GRM5: variants seen among roughly 807,000 people sequenced by gnomAD.
GRM5 encodes the protein glutamate metabotropic receptor 5, also known as metabotropic glutamate receptor 5.
Under a neutral mutation model 83.1 loss-of-function variants are expected in GRM5, and 19 were observed. The ratio of observed to expected loss-of-function variants is 0.23; its 90% CI spans 0.16 to 0.34. The LOEUF is 0.34. GRM5 is among the 10% of genes least tolerant of loss of function. The pLI is 1.00. For synonymous variants in GRM5, 675 were observed against 633.6 expected, an observed-to-expected ratio of 1.07 and a Z score of -0.98; for missense variants, 1,160 against 1,588.3, an observed-to-expected ratio of 0.73 and a Z score of 4.58.
intron 4 of GRM5, among the ~76,000 whole-genome samples, chr11:88,627,617 C>G (rs2135266486): frequency 6.6e-6 from 1 of 152,256 alleles, no homozygotes; most frequent in Non-Finnish European, 1.5e-5. Flanking sequence ...ACCTCAATCT[C>G]ACCCCTTTCC....
At chr11:88,843,085 C>T (rs1002777707) in intron 3 of GRM5, among the ~76,000 whole-genome samples, 2 of 152,166 alleles carry the variant, frequency 1.3e-5, no homozygotes, top group Non-Finnish European at 2.9e-5. Context: ...TTTATTGTAA[C>T]TCCACAGATA....
At position 88,505,425 on chromosome 11, in the gene GRM5, G is replaced by A. The variant is rs1941159498; in HGVS notation, c.*3167C>T. The A allele has an allele frequency of 6.6e-6, 1 of 152,228 alleles. No individual in the cohort carries two copies. Among genetic ancestry groups the A allele is most frequent in the East Asian group, 1.9e-4 (1 of 5,208 alleles). 9.4% of individuals were successfully genotyped at this position (152,228 alleles called of 1,614,324 possible). On this transcript the variant is annotated 3_prime_UTR_variant, in exon 10 of 10. Transcript: ENST00000305447. Reference sequence around the variant, plus strand: ...TACAATTCATTTACAGTCAGAAATAGCTCCTAGTCTTCCTGATCACTTGCT... The same window carrying A: ...TACAATTCATTTACAGTCAGAAATAACTCCTAGTCTTCCTGATCACTTGCT...
intron 4 of GRM5, among the ~76,000 whole-genome samples, chr11:88,616,545 T>C (rs1043926545): frequency 6.6e-6 from 1 of 151,980 alleles, no homozygotes; most frequent in African/African-American, 2.4e-5. Context: ...TATGGTAGCT[T>C]AGTCCGGGGT....
chr11:88,906,468 A>AG (rs1308474537), intron 2 of GRM5, among the ~76,000 whole-genome samples: 2 of 152,128 alleles, frequency 1.3e-5, no homozygotes, highest in African/African-American at 4.8e-5. Flanking sequence ...TTCATCTGGG[A>AG]GAAAAAAAAA....
chr11:88,510,400 G>A (rs2135076328), intron 9 of GRM5, among the ~76,000 whole-genome samples: 2 of 152,290 alleles, frequency 1.3e-5, no homozygotes, highest in South Asian at 4.1e-4. Context: ...CTCAGCCTCA[G>A]CGCCCTAGTA....
In GRM5 at chr11:88,509,345, G is replaced by A; in HGVS notation, c.2886C>T (p.Gly962=). The A allele has an allele frequency of 3.1e-6, 5 of 1,605,716 alleles. No homozygotes were observed. The highest frequency in any genetic ancestry group is 2.0e-4 in the Middle Eastern group (1 of 5,092). ...FPKSTESRGL[G]AGAGAGGSAG... is the part of the protein sequence containing the mutation. ...CGCTCCCGCCTGCGCCAGCGCCAGC[G>A]CCCAGGCCACGGCTCTCCGTGCTCT... Residue 962 remains glycine (G), a synonymous_variant, in exon 10 of 10, where the codon GGC becomes GGT. Transcript: ENST00000305447.
At chr11:88,727,279 AG>A (rs199910086) in intron 3 of GRM5, among the ~76,000 whole-genome samples, 2,784 of 152,326 alleles carry the variant, frequency 0.018, 94 homozygotes, top group African/African-American at 0.063. Flanking sequence ...AAAGGTCAAA[AG>A]AGACAAAGAA....
intron 2 of GRM5, among the ~76,000 whole-genome samples, chr11:88,957,165 G>A (rs1189088480): frequency 6.6e-6 from 1 of 152,178 alleles, no homozygotes; most frequent in Non-Finnish European, 1.5e-5. Context: ...AGACTTGAAC[G>A]ATGAGTAGGA....
chr11:88,821,927 T>C (rs1943804421), intron 3 of GRM5, among the ~76,000 whole-genome samples: 1 of 151,038 alleles, frequency 6.6e-6, no homozygotes, highest in Non-Finnish European at 1.5e-5. Context: ...GAGTTCCCAA[T>C]TTCCTACTTA....
At chr11:88,816,328 T>A (rs1324673509) in intron 3 of GRM5, among the ~76,000 whole-genome samples, 6 of 147,968 alleles carry the variant, frequency 4.1e-5, no homozygotes, top group African/African-American at 1.2e-4. Context: ...ATCATGAGAT[T>A]AGGAATTTGA....
intron 2 of GRM5, among the ~76,000 whole-genome samples, chr11:88,990,681 A>T (rs1408007376): frequency 6.6e-6 from 1 of 151,030 alleles, no homozygotes; most frequent in East Asian, 1.9e-4. Flanking sequence ...AGTGGGCTTC[A>T]TCCCTGGGAT....
chr11:88,509,171 C>A lies in GRM5; in HGVS notation c.3060G>T (p.Ser1020=), dbSNP rs1293988830. The A allele has an allele frequency of 5.9e-6, 9 of 1,536,290 alleles. No individual in the cohort carries two copies. The highest frequency in any genetic ancestry group is 7.9e-6 in the Non-Finnish European group (9 of 1,143,612). ...FPAPARPRSP[S]PISTLSHRAG... is the part of the protein sequence containing the mutation. Reference sequence around the variant, plus strand: ...CGCGGTGGCTCAGCGTGCTGATGGGCGACGGTGAGCGCGGCCGCGCGGGCG... The same window carrying A: ...CGCGGTGGCTCAGCGTGCTGATGGGAGACGGTGAGCGCGGCCGCGCGGGCG... The change falls in exon 10 of 10, where the codon TCG becomes TCT. Residue 1020 remains serine, a synonymous_variant. Transcript: ENST00000305447.
chr11:88,909,033 TG>T (rs1565287543), intron 2 of GRM5, among the ~76,000 whole-genome samples: 2 of 152,138 alleles, frequency 1.3e-5, no homozygotes, highest in African/African-American at 4.8e-5. Context: ...AGTCCTTTCT[TG>T]GAGACGTTGA....
intron 4 of GRM5, among the ~76,000 whole-genome samples, chr11:88,632,655 C>T (rs1939008304): frequency 6.6e-6 from 1 of 152,138 alleles, no homozygotes; most frequent in African/African-American, 2.4e-5. Flanking sequence ...GGCGTTTGAG[C>T]TATTACAAAT....
chr11:88,821,701 A>G (rs1489379702), intron 3 of GRM5, among the ~76,000 whole-genome samples: 2 of 152,168 alleles, frequency 1.3e-5, no homozygotes, highest in African/African-American at 4.8e-5. Context: ...GAAATCTTCT[A>G]TAATTCTACT....
At chr11:89,023,892 AAT>A (rs1941058764) in intron 2 of GRM5, among the ~76,000 whole-genome samples, 1 of 145,038 alleles carries the variant, frequency 6.9e-6, no homozygotes, top group African/African-American at 2.7e-5. Context: ...TAAATAAATA[AAT>A]AAAAATAAAT....
chr11:88,638,794 T>C (rs1375563193), intron 4 of GRM5, among the ~76,000 whole-genome samples: 1 of 152,106 alleles, frequency 6.6e-6, no homozygotes, highest in Non-Finnish European at 1.5e-5. Flanking sequence ...CTTTTTCATA[T>C]CTATAAAACC....
At chr11:88,834,850 T>C (rs1472209014) in intron 3 of GRM5, among the ~76,000 whole-genome samples, 1 of 152,194 alleles carries the variant, frequency 6.6e-6, no homozygotes, top group Non-Finnish European at 1.5e-5. Context: ...AGGAGACTTT[T>C]AGCTGGCTTA....
intron 3 of GRM5, among the ~76,000 whole-genome samples, chr11:88,778,136 G>T (rs533744246): frequency 7.2e-5 from 11 of 152,064 alleles, no homozygotes; most frequent in Admixed American, 2.0e-4. Context: ...TGGCCACTCT[G>T]TTTACCTACT....
Sources: gnomAD v4.1 joint callset for allele counts (sites outside exome capture counted in the v4.1 genomes callset) on GRCh38, gnomAD v4.1.1 for gene constraint, MANE v1.5 for transcripts, NCBI Gene and HGNC (gene_info 2026-07-23, HGNC 2026-07-21) for gene names.